Variants in JADE3 observed in about 807,000 individuals in gnomAD.
The protein encoded by JADE3 is jade family PHD finger 3, also known as protein Jade-3.
A neutral mutation model predicts 50.1 loss-of-function variants in JADE3; 2 were observed. That is an observed-to-expected ratio of 0.04 (90% CI 0.02 to 0.13). The LOEUF (loss-of-function observed/expected upper bound fraction) is 0.13. Among genes scored for constraint, JADE3 ranks in the 10% least tolerant of loss-of-function variants. The pLI is 1.00. For missense variants in JADE3, 475 were observed against 634.4 expected, an observed-to-expected ratio of 0.75 and a Z score of 2.70; for synonymous variants, 218 against 232.9, an observed-to-expected ratio of 0.94 and a Z score of 0.58.
chrX:46,980,911 G>A lies in JADE3; in HGVS notation c.-11-3973G>A, dbSNP rs558684373. ...CTGGGTGGGTCCAATGTAATTACAT[G>A]GGTTCTTAAAAGTGGAAGAGGGAAG... On this transcript the variant is annotated intron_variant, in intron 1 of 10. Coordinates refer to ENST00000614628, the MANE Select transcript of JADE3 (RefSeq NM_014735.5). Among the ~76,000 whole-genome samples, 12 of 111,236 alleles carry A rather than the reference G, an allele frequency of 1.1e-4. No homozygotes were observed. In the South Asian group the frequency reaches 4.6e-3, roughly 43 times the overall value.
chrX:46,980,962 A>T (rs1927737439), intron 1 of JADE3, among the ~76,000 whole-genome samples: 1 of 111,599 alleles, frequency 9.0e-6, no homozygotes, highest in Admixed American at 9.6e-5. Context: ...AGAGAATGAG[A>T]TGCGATGACA....
intron 4 of JADE3, among the ~76,000 whole-genome samples, chrX:47,022,123 T>G (rs1184749779): frequency 8.9e-6 from 1 of 112,485 alleles, no homozygotes; most frequent in African/African-American, 3.2e-5. Context: ...TTGAGATGAA[T>G]AGTTAGCAAA....
At chrX:46,949,068 G>C (rs1267632989) in intron 1 of JADE3, among the ~76,000 whole-genome samples, 1 of 110,662 alleles carries the variant, frequency 9.0e-6, no homozygotes, top group African/African-American at 3.3e-5. Flanking sequence ...AGAGTAGTTG[G>C]GACTACAGGT....
chrX:46,936,637 C>G (rs1237318317), intron 1 of JADE3, among the ~76,000 whole-genome samples: 1 of 110,802 alleles, frequency 9.0e-6, no homozygotes, highest in Non-Finnish European at 1.9e-5. Flanking sequence ...AATTCAGTTT[C>G]CTTAGTAGTT....
intron 1 of JADE3, among the ~76,000 whole-genome samples, chrX:46,980,936 G>A (rs1927735731): frequency 9.0e-6 from 1 of 111,480 alleles, no homozygotes; most frequent in Admixed American, 9.6e-5. Flanking sequence ...GAAGAGGGAA[G>A]CAGAACAGAA....
chrX:46,913,084 C>T (rs1675494824), intron 1 of JADE3, among the ~76,000 whole-genome samples: 1 of 112,107 alleles, frequency 8.9e-6, no homozygotes, highest in African/African-American at 3.2e-5. Context: ...CTCCGGTGCC[C>T]CCTCCTGGCG....
In JADE3 at chrX:46,936,899, C is replaced by T. The variant is rs371950631; in HGVS notation, c.-12+24180C>T. On this transcript the variant is annotated intron_variant, in intron 1 of 10. Transcript: ENST00000614628. ...CAATTTTGTTGATCTTTTCAAAGAA[C>T]CAACTTTTGGCTTCATCGATTTTTC... 2.3e-4 allele frequency among the ~76,000 whole-genome samples: 26 copies of T among 111,644 alleles called. 1 individual carries two copies. In the East Asian group the frequency reaches 3.3e-3, roughly 14 times the overall value.
intron 1 of JADE3, among the ~76,000 whole-genome samples, chrX:46,946,509 A>C (rs781833069): frequency 1.2e-4 from 13 of 112,223 alleles, no homozygotes; most frequent in Admixed American, 9.4e-4. Context: ...TGTATGATTA[A>C]ATGAATTAAA....
chrX:46,934,397 C>G, intron 1 of JADE3, among the ~76,000 whole-genome samples: 1 of 110,330 alleles, frequency 9.1e-6, no homozygotes, highest in Non-Finnish European at 1.9e-5. Context: ...CTCCCGGGTT[C>G]AAGCGATTCT....
rs1929590325 is a variant in JADE3 at position 47,054,424 on chromosome X, G to A, written c.1239G>A (p.Val413=). ...LEEEFYSLVR[V]EDVAAELGMP... is the part of the protein sequence containing the mutation. ...AGGAGTTCTATTCCTTGGTACGAGT[G>A]GAAGATGTGGCCGCAGAGCTGGGTA... is the stretch of plus-strand genomic sequence containing the variant. The change falls in exon 9 of 11, where the codon GTG becomes GTA. Residue 413 remains valine, a synonymous_variant. Transcript: ENST00000614628. 1 of 1,211,397 alleles carries A rather than the reference G, an allele frequency of 8.3e-7. No individual in the cohort carries two copies. Among genetic ancestry groups the A allele is most frequent in the South Asian group, 1.8e-5 (1 of 56,987 alleles).
intron 8 of JADE3, among the ~76,000 whole-genome samples, chrX:47,053,607 G>C (rs1306116832): frequency 8.9e-6 from 1 of 111,978 alleles, no homozygotes; most frequent in Non-Finnish European, 1.9e-5. Context: ...AGGTTACTTA[G>C]ATATTGGAAT....
chrX:46,949,422 A>G (rs1926956573), intron 1 of JADE3, among the ~76,000 whole-genome samples: 1 of 112,124 alleles, frequency 8.9e-6, no homozygotes, highest in South Asian at 3.7e-4. Flanking sequence ...AAGCTTCAGT[A>G]GCTATTGTAA....
intron 3 of JADE3, among the ~76,000 whole-genome samples, chrX:46,988,019 T>C (rs1556355031): frequency 8.9e-6 from 1 of 112,443 alleles, no homozygotes; most frequent in Non-Finnish European, 1.9e-5. Flanking sequence ...CAGCATAACA[T>C]GGACATTATC....
intron 1 of JADE3, among the ~76,000 whole-genome samples, chrX:46,960,900 G>A (rs1451861248): frequency 9.0e-6 from 1 of 111,007 alleles, no homozygotes; most frequent in Admixed American, 9.6e-5. Context: ...TGACTCTCCT[G>A]TTGAGCAGTC....
chrX:46,948,243 G>A (rs184152532), intron 1 of JADE3, among the ~76,000 whole-genome samples: 1 of 112,325 alleles, frequency 8.9e-6, no homozygotes, highest in East Asian at 2.8e-4. Context: ...GTATGTGAAA[G>A]TGCCTTTGGA....
At chrX:47,001,898 T>C (rs1355801880) in intron 4 of JADE3, among the ~76,000 whole-genome samples, 1 of 111,805 alleles carries the variant, frequency 8.9e-6, no homozygotes, top group African/African-American at 3.2e-5. Context: ...GCCATCCATA[T>C]ACCCTTTTCA....
rs1010886043 is a variant in JADE3, at chrX:47,058,320, C to T, written c.1715C>T (p.Ser572Phe). The T allele has an allele frequency of 8.3e-7, 1 of 1,211,451 alleles. No homozygotes were observed. Among genetic ancestry groups the T allele is most frequent in the South Asian group, 1.8e-5 (1 of 56,944 alleles). The change falls in exon 11 of 11, where the codon TCT becomes TTT. Residue 572 changes from serine (S) to phenylalanine (F), a missense_variant. Ser to Phe is a radical substitution (Grantham distance 155, BLOSUM62 -2). This residue lies in a region of JADE3 where 243 missense variants were observed against 238.2 expected (regional missense o/e 1.02). Coordinates refer to ENST00000614628, the MANE Select transcript of JADE3 (RefSeq NM_014735.5). ...CCCCACTCTCCTGACAGCAGCTCAT[C>T]TGTTCACAGTATAAGGAACATGCAG... The part of the protein sequence containing the change: ...QQPHSPDSSS[S>F]VHSIRNMQVP...
rs1057337016 is a variant in JADE3, at chrX:46,947,653, A to T, written c.-12+34934A>T. 3.6e-5 allele frequency among the ~76,000 whole-genome samples: 4 copies of T among 111,236 alleles called. No individual in the cohort carries two copies. The East Asian group carries it at 1.1e-3, about 31-fold the overall frequency. On this transcript the variant is annotated intron_variant, in intron 1 of 10. Transcript: ENST00000614628. ...ATATTGATGAGCTTTTTTGGCTCCT[A>T]TATAGGCAATATCAGGGTTTGTCCC...
rs187720831 is a variant in JADE3, at chrX:46,937,751, C to T, written c.-12+25032C>T. On this transcript the variant is annotated intron_variant, in intron 1 of 10. Coordinates refer to ENST00000614628, the MANE Select transcript of JADE3 (RefSeq NM_014735.5). ...ATCCCAGCACTTTGGGAGGCCGAGGCGGGCAGATCACCTGAGGTCAGGAGT... is the reference window on the plus strand; with the variant it reads ...ATCCCAGCACTTTGGGAGGCCGAGGTGGGCAGATCACCTGAGGTCAGGAGT... Among the ~76,000 whole-genome samples the T allele has an allele frequency of 3.4e-3, 382 of 111,754 alleles. 1 individual carries two copies. Among genetic ancestry groups the T allele is most frequent in the Non-Finnish European group, 5.8e-3 (306 of 53,090 alleles).
Sources: gnomAD v4.1 joint callset for allele counts (sites outside exome capture counted in the v4.1 genomes callset) on GRCh38, gnomAD v4.1.1 for gene constraint, gnomAD v4.1.1 regional missense constraint, MANE v1.5 for transcripts, NCBI Gene and HGNC (gene_info 2026-07-23, HGNC 2026-07-21) for gene names.